The following DLG2 variants were observed in gnomAD, a reference collection of about 807,000 sequenced individuals.
DLG2 encodes disks large homolog 2.
A neutral mutation model predicts 132.5 loss-of-function variants in DLG2; 45 were observed. The ratio of observed to expected loss-of-function variants is 0.34; its 90% CI spans 0.27 to 0.44. The LOEUF is 0.44. Ranked by LOEUF, DLG2 falls within the 20% of genes least tolerant of loss-of-function variation. The pLI is 1.00. For synonymous variants in DLG2, 424 were observed against 419.6 expected (o/e 1.01, Z -0.13); for missense variants, 1,045 against 1,196.9 (o/e 0.87, Z 1.87).
At position 85,500,367 on chromosome 11, in the gene DLG2, A is replaced by T. The variant is rs556588271; in HGVS notation, c.40+98290T>A. Reference sequence around the variant, plus strand: ...GAGATCACATGGACACAGGAAGGGGAATATCACACTCTGGGGACTGTGGTG... The same window carrying T: ...GAGATCACATGGACACAGGAAGGGGTATATCACACTCTGGGGACTGTGGTG... On this transcript the variant is annotated intron_variant, in intron 3 of 27. Transcript: ENST00000376104. 2.3e-3 allele frequency among the ~76,000 whole-genome samples: 305 copies of T among 130,038 alleles called. 6 individuals are homozygous for T. Among genetic ancestry groups the T allele is most frequent in the African/African-American group, 9.2e-3 (284 of 30,956 alleles). The allele number at this position is 130,038 out of a possible 152,430, so 85.3% of individuals were successfully genotyped here. A position where few individuals can be genotyped will look rare whatever the true frequency, so the allele number is the denominator to read the frequency against.
At chr11:83,642,987 G>A (rs567948155) in intron 18 of DLG2, among the ~76,000 whole-genome samples, 76 of 152,084 alleles carry the variant, frequency 5.0e-4, no homozygotes, top group Non-Finnish European at 9.6e-4. Flanking sequence ...AAAAAAAACC[G>A]TGAAGCTCTC....
chr11:84,021,138 A>G (rs1037688239), intron 11 of DLG2, among the ~76,000 whole-genome samples: 1 of 152,190 alleles, frequency 6.6e-6, no homozygotes, highest in Non-Finnish European at 1.5e-5. Flanking sequence ...GGTGCCCAGT[A>G]CCTATTTTCT....
chr11:84,295,565 A>C (rs1206911094), intron 7 of DLG2, among the ~76,000 whole-genome samples: 2 of 152,188 alleles, frequency 1.3e-5, no homozygotes, highest in Non-Finnish European at 2.9e-5. Context: ...TGACACAGTG[A>C]AACATGAATC....
intron 6 of DLG2, among the ~76,000 whole-genome samples, chr11:85,059,551 T>G (rs1004441755): frequency 2.6e-5 from 4 of 151,392 alleles, no homozygotes; most frequent in African/African-American, 9.7e-5. Flanking sequence ...ATTCGTACAA[T>G]GGATCACCAT....
chr11:84,903,506 G>A (rs181333498), intron 6 of DLG2, among the ~76,000 whole-genome samples: 144 of 152,158 alleles, frequency 9.5e-4, no homozygotes, highest in Middle Eastern at 3.4e-3. Context: ...GCTACTCAGG[G>A]GCAGGAATCT....
At chr11:84,829,701 GA>G (rs1393231379) in intron 6 of DLG2, among the ~76,000 whole-genome samples, 1 of 151,654 alleles carries the variant, frequency 6.6e-6, no homozygotes, top group Non-Finnish European at 1.5e-5. Flanking sequence ...AAGGGTCGAA[GA>G]TAATGAGGTG....
intron 7 of DLG2, among the ~76,000 whole-genome samples, chr11:84,416,704 T>C (rs1428913095): frequency 6.6e-6 from 1 of 152,206 alleles, no homozygotes; most frequent in Non-Finnish European, 1.5e-5. Context: ...AACAGTCAAA[T>C]TGTTCCAACT....
intron 3 of DLG2, among the ~76,000 whole-genome samples, chr11:85,303,958 A>T (rs1479149442): frequency 6.6e-6 from 1 of 152,224 alleles, no homozygotes; most frequent in Non-Finnish European, 1.5e-5. Context: ...AATTTCCAGG[A>T]CGTAATGAAA....
chr11:83,876,044 C>T (rs1046130865), intron 15 of DLG2, among the ~76,000 whole-genome samples: 12 of 152,150 alleles, frequency 7.9e-5, no homozygotes, highest in Admixed American at 6.6e-4. Context: ...TGAAAAGCAT[C>T]GTAGTATTCA....
intron 7 of DLG2, among the ~76,000 whole-genome samples, chr11:84,423,800 G>A (rs1254735436): frequency 6.6e-6 from 1 of 151,972 alleles, no homozygotes; most frequent in Non-Finnish European, 1.5e-5. Context: ...ATTATAAATA[G>A]GTGTGACATG....
intron 6 of DLG2, among the ~76,000 whole-genome samples, chr11:84,791,844 G>T (rs1278912487): frequency 6.6e-6 from 1 of 152,038 alleles, no homozygotes; most frequent in Admixed American, 6.6e-5. Flanking sequence ...GAGTCATTTG[G>T]TTTTTCCCCA....
intron 7 of DLG2, among the ~76,000 whole-genome samples, chr11:84,439,347 C>T (rs983149753): frequency 3.3e-5 from 5 of 152,174 alleles, no homozygotes; most frequent in African/African-American, 1.2e-4. Context: ...ACAGAAATCT[C>T]GAGTGCTCAC....
intron 6 of DLG2, among the ~76,000 whole-genome samples, chr11:84,947,763 T>C (rs2050402597): frequency 6.6e-6 from 1 of 152,246 alleles, no homozygotes; most frequent in African/African-American, 2.4e-5. Flanking sequence ...TTATTCTCAA[T>C]TTACCAGGGT....
intron 3 of DLG2, among the ~76,000 whole-genome samples, chr11:85,316,590 C>A (rs2080692507): frequency 6.6e-6 from 1 of 151,894 alleles, no homozygotes; most frequent in Non-Finnish European, 1.5e-5. Flanking sequence ...TTTCTTGTGC[C>A]TATTTGCTGC....
At chr11:83,812,001 T>C (rs2047425553) in intron 17 of DLG2, among the ~76,000 whole-genome samples, 1 of 152,048 alleles carries the variant, frequency 6.6e-6, no homozygotes, top group Non-Finnish European at 1.5e-5. Flanking sequence ...AAGACAAGAA[T>C]ATGTATGCTG....
At chr11:83,624,931 G>T (rs565363095) in intron 19 of DLG2, among the ~76,000 whole-genome samples, 16 of 152,148 alleles carry the variant, frequency 1.1e-4, no homozygotes, top group Non-Finnish European at 2.4e-4. Context: ...TCAGGTACCT[G>T]ATCATGTTCC....
intron 6 of DLG2, among the ~76,000 whole-genome samples, chr11:84,832,680 A>C (rs771043573): frequency 1.3e-5 from 2 of 151,686 alleles, no homozygotes; most frequent in Non-Finnish European, 3.0e-5. Flanking sequence ...GATTCTATTT[A>C]TGAATCACAG....
intron 7 of DLG2, among the ~76,000 whole-genome samples, chr11:84,491,842 T>C (rs978133669): frequency 6.6e-6 from 1 of 152,164 alleles, no homozygotes; most frequent in Non-Finnish European, 1.5e-5. Flanking sequence ...GTGTTTTACC[T>C]AATACACTTT....
At chr11:84,905,363 A>G (rs557882590) in intron 6 of DLG2, among the ~76,000 whole-genome samples, 2 of 152,290 alleles carry the variant, frequency 1.3e-5, no homozygotes, top group Non-Finnish European at 2.9e-5. Flanking sequence ...GAAGTATCCA[A>G]TGCTTTCTCT....
Sources: gnomAD v4.1 joint callset for allele counts (sites outside exome capture counted in the v4.1 genomes callset) on GRCh38, gnomAD v4.1.1 for gene constraint, MANE v1.5 for transcripts, NCBI Gene and HGNC (gene_info 2026-07-23, HGNC 2026-07-21) for gene names.